The following LOC400499 variants were observed in gnomAD, a reference collection of about 807,000 sequenced individuals.
the LOC400499 span, chr16:11,396,792 G>T: frequency 1.2e-6 from 1 of 803,154 alleles, no homozygotes; most frequent in Non-Finnish European, 1.7e-6. Flanking sequence ...CACACCTGTC[G>T]CAGCTCACAG....
the LOC400499 span, among the ~76,000 whole-genome samples, chr16:11,413,710 G>C: frequency 3.9e-4 from 59 of 152,332 alleles, no homozygotes; most frequent in African/African-American, 1.4e-3. Context: ...ATCACTGTCA[G>C]ACCATCAGCA....
chr16:11,378,609 A>G, the LOC400499 span, among the ~76,000 whole-genome samples: 1 of 152,118 alleles, frequency 6.6e-6, no homozygotes, highest in Non-Finnish European at 1.5e-5. Context: ...TTTCCCTCAT[A>G]GCACTGCTTT....
the LOC400499 span, chr16:11,516,253 G>A: frequency 1.3e-5 from 5 of 399,628 alleles, no homozygotes. Context: ...GACACAGGTG[G>A]GCCACACGCC....
the LOC400499 span, among the ~76,000 whole-genome samples, chr16:11,379,958 A>T: frequency 1.3e-5 from 2 of 152,108 alleles, no homozygotes; most frequent in East Asian, 3.9e-4. Flanking sequence ...TTGATATCAC[A>T]AAGTATATCT....
the LOC400499 span, among the ~76,000 whole-genome samples, chr16:11,378,946 C>G: frequency 2.0e-5 from 3 of 152,274 alleles, no homozygotes; most frequent in African/African-American, 7.2e-5. Context: ...GATCTTCTGT[C>G]TGGGTGTTGT....
chr16:11,411,184 C>T, the LOC400499 span: 2 of 399,066 alleles, frequency 5.0e-6, no homozygotes, highest in East Asian at 3.6e-5. Context: ...GGCCTGGCCC[C>T]CTCCTGCCTC....
At chr16:11,469,200 T>C in the LOC400499 span, 13 of 399,466 alleles carry the variant, frequency 3.3e-5, no homozygotes, top group Non-Finnish European at 5.7e-5. Flanking sequence ...GTCCCTGTCA[T>C]CCAGCACCAG....
chr16:11,476,682 G>A, the LOC400499 span: 13 of 398,792 alleles, frequency 3.3e-5, no homozygotes, highest in African/African-American at 2.5e-4. Flanking sequence ...TCACATGCAT[G>A]CATGCAAGCA....
At chr16:11,428,621 C>T in the LOC400499 span, among the ~76,000 whole-genome samples, 1 of 152,166 alleles carries the variant, frequency 6.6e-6, no homozygotes, top group Non-Finnish European at 1.5e-5. Context: ...ATTCGGCCGG[C>T]TTCTTTACTG....
chr16:11,387,031 T>C, the LOC400499 span: 3 of 1,110,896 alleles, frequency 2.7e-6, no homozygotes, highest in South Asian at 9.2e-5. Flanking sequence ...GTGATGCTAC[T>C]AGCCTATGGA....
At chr16:11,378,034 C>G in the LOC400499 span, among the ~76,000 whole-genome samples, 2 of 152,020 alleles carry the variant, frequency 1.3e-5, no homozygotes, top group African/African-American at 4.8e-5. Flanking sequence ...TATTTCATTC[C>G]TTCTCCTATC....
the LOC400499 span, chr16:11,487,195 C>A: frequency 2.5e-6 from 1 of 398,452 alleles, no homozygotes; most frequent in Non-Finnish European, 4.4e-6. Flanking sequence ...AGGTAAGTGA[C>A]TGGGATATTT....
At chr16:11,379,698 G>A in the LOC400499 span, among the ~76,000 whole-genome samples, 21 of 152,318 alleles carry the variant, frequency 1.4e-4, no homozygotes, top group Admixed American at 1.1e-3. Context: ...CTGGTGCCAC[G>A]CTGTTGATTG....
the LOC400499 span, among the ~76,000 whole-genome samples, chr16:11,465,745 C>A: frequency 7.1e-6 from 1 of 141,454 alleles, no homozygotes. Context: ...AGAATAAGAC[C>A]TTGTAAAAGA....
At chr16:11,440,327 GATC>G in the LOC400499 span, among the ~76,000 whole-genome samples, 1 of 152,168 alleles carries the variant, frequency 6.6e-6, no homozygotes, top group Non-Finnish European at 1.5e-5. Context: ...AGCTAGGTGG[GATC>G]ATGTGATGAG....
chr16:11,492,061 C>G, the LOC400499 span, among the ~76,000 whole-genome samples: 4 of 152,266 alleles, frequency 2.6e-5, no homozygotes, highest in Non-Finnish European at 5.9e-5. Context: ...CTCTACCAGC[C>G]CCAGCCTAGA....
chr16:11,416,091 G>A, the LOC400499 span, among the ~76,000 whole-genome samples: 3 of 151,870 alleles, frequency 2.0e-5, no homozygotes, highest in African/African-American at 7.3e-5. Flanking sequence ...GAGTAGCTGG[G>A]ACTACAGGCA....
the LOC400499 span, chr16:11,448,180 C>T: frequency 2.3e-6 from 3 of 1,331,636 alleles, no homozygotes; most frequent in Non-Finnish European, 3.0e-6. Context: ...CCCATCACCC[C>T]CAGAAATGAC....
the LOC400499 span, among the ~76,000 whole-genome samples, chr16:11,464,942 G>A: frequency 6.6e-6 from 1 of 152,188 alleles, no homozygotes; most frequent in African/African-American, 2.4e-5. Context: ...AGCTTTAGGA[G>A]GAAGACAGCT....
Sources: allele counts gnomAD v4.1 joint callset (sites outside exome capture counted in the v4.1 genomes callset), GRCh38; gene constraint gnomAD v4.1.1; transcripts MANE v1.5.